COL28A1: variants seen among roughly 807,000 people sequenced by gnomAD.
COL28A1 encodes the protein collagen alpha-1(XXVIII) chain.
COL28A1 carries 161 observed loss-of-function variants against 150.2 expected under a neutral mutation model. The ratio of observed to expected loss-of-function variants is 1.07; its 90% confidence interval spans 0.94 to 1.22. The LOEUF (loss-of-function observed/expected upper bound fraction) is 1.22. Among genes scored for constraint, COL28A1 ranks in the 50% most tolerant of loss-of-function variants. The probability of loss-of-function intolerance (pLI) is 0.00; values close to 1 mark genes in which losing one functional copy is unlikely to be tolerated. For missense variants in COL28A1, 1,617 were observed against 1,388.3 expected (o/e 1.16, Z -2.62); for synonymous variants, 552 against 469.7 (o/e 1.18, Z -2.26).
chr7:7,500,180 T>C (rs1355328449), intron 11 of COL28A1, among the ~76,000 whole-genome samples: 1 of 152,212 alleles, frequency 6.6e-6, no homozygotes, highest in Admixed American at 6.5e-5. Flanking sequence ...TTGACCCTTC[T>C]ACTGAAATTA....
intron 31 of COL28A1, among the ~76,000 whole-genome samples, chr7:7,374,024 T>TAAA (rs1188442971): frequency 3.4e-5 from 4 of 116,376 alleles, no homozygotes; most frequent in African/African-American, 8.6e-5. Flanking sequence ...ACTTGACTCT[T>TAAA]AAAAAAAAAA....
chr7:7,398,340 C>A (rs140070678), intron 27 of COL28A1, among the ~76,000 whole-genome samples: 9 of 152,268 alleles, frequency 5.9e-5, no homozygotes, highest in African/African-American at 2.2e-4. Context: ...AACTTTTAGT[C>A]CTTGCTTCCA....
intron 30 of COL28A1, among the ~76,000 whole-genome samples, chr7:7,379,317 CTCT>C (rs1399476182): frequency 6.6e-6 from 1 of 152,136 alleles, no homozygotes; most frequent in African/African-American, 2.4e-5. Flanking sequence ...TCTTGCTAGT[CTCT>C]TCTTCCAGAA....
chr7:7,502,396 A>T (rs1340924590), intron 11 of COL28A1, among the ~76,000 whole-genome samples: 2 of 152,204 alleles, frequency 1.3e-5, no homozygotes, highest in Non-Finnish European at 2.9e-5. Flanking sequence ...GGCCAGGAGC[A>T]CATTTTTTCC....
intron 9 of COL28A1, 65 bp from the exon 10 acceptor site, chr7:7,507,226 T>G: frequency 2.6e-6 from 2 of 776,080 alleles, no homozygotes; most frequent in Non-Finnish European, 4.5e-6. Context: ...TGATTTTAGG[T>G]AGGAGGGAAG....
At chr7:7,457,946 G>T (rs1213225866) in intron 15 of COL28A1, among the ~76,000 whole-genome samples, 4 of 152,302 alleles carry the variant, frequency 2.6e-5, no homozygotes, top group African/African-American at 4.8e-5. Flanking sequence ...GGGCTTGAGG[G>T]TCATAATGAT....
intron 18 of COL28A1, among the ~76,000 whole-genome samples, chr7:7,447,173 C>T (rs983256257): frequency 3.3e-5 from 5 of 152,044 alleles, no homozygotes; most frequent in Non-Finnish European, 7.4e-5. Flanking sequence ...AAAAGCAAGA[C>T]CCAAATGGGT....
At position 7,526,546 on chromosome 7, in the gene COL28A1, G is replaced by C. The variant is rs1048267512; in HGVS notation, c.682-2297C>G. On this transcript the variant is annotated intron_variant, in intron 3 of 34. Coordinates refer to ENST00000399429, the MANE Select transcript of COL28A1 (RefSeq NM_001037763.3). Reference sequence around the variant, plus strand: ...GGCAGTAAAACAACTAATAATTCAAGTCAAATTGTAATATTTAAAAACCAC... The same window carrying C: ...GGCAGTAAAACAACTAATAATTCAACTCAAATTGTAATATTTAAAAACCAC... Among the ~76,000 whole-genome samples, 29 of 152,190 alleles carry C rather than the reference G, an allele frequency of 1.9e-4. 1 individual carries two copies. The highest frequency in any genetic ancestry group is 6.0e-4 in the African/African-American group (25 of 41,542).
intron 27 of COL28A1, among the ~76,000 whole-genome samples, chr7:7,393,661 G>A (rs1217277632): frequency 3.3e-5 from 5 of 152,204 alleles, no homozygotes; most frequent in African/African-American, 7.2e-5. Flanking sequence ...CAGAGAGGAC[G>A]AATCTAGAGA....
chr7:7,372,907 G>C, intron 32 of COL28A1, 91 bp downstream of exon 32: 2 of 1,080,522 alleles, frequency 1.9e-6, no homozygotes, highest in Non-Finnish European at 1.3e-6. Context: ...TTAGCCTCCA[G>C]ATTTTTCTAT....
chr7:7,521,982 G>A, intron 4 of COL28A1, 21 bp from the exon 5 acceptor site: 1 of 914,966 alleles, frequency 1.1e-6, no homozygotes, highest in Non-Finnish European at 1.9e-6. Context: ...AATGAAATAT[G>A]ATATTAACAC....
intron 13 of COL28A1, among the ~76,000 whole-genome samples, chr7:7,488,558 T>C (rs1779748182): frequency 6.6e-6 from 1 of 152,240 alleles, no homozygotes; most frequent in Non-Finnish European, 1.5e-5. Flanking sequence ...AGAATAATCA[T>C]ATTTTATTCA....
At chr7:7,407,983 T>C (rs1783580748) in intron 27 of COL28A1, among the ~76,000 whole-genome samples, 1 of 152,106 alleles carries the variant, frequency 6.6e-6, no homozygotes, top group Non-Finnish European at 1.5e-5. Flanking sequence ...AAACACAGGG[T>C]CCTAACGAAG....
At chr7:7,496,094 G>A (rs1429253246) in intron 11 of COL28A1, among the ~76,000 whole-genome samples, 1 of 152,124 alleles carries the variant, frequency 6.6e-6, no homozygotes, top group Non-Finnish European at 1.5e-5. Flanking sequence ...CTTATTTTAA[G>A]CAGCATGGCT....
chr7:7,468,435 A>G (rs1004828862), intron 15 of COL28A1, among the ~76,000 whole-genome samples: 3 of 95,460 alleles, frequency 3.1e-5, no homozygotes, highest in African/African-American at 1.5e-4. Flanking sequence ...GAATAGACCA[A>G]TAACAGGCTC....
intron 4 of COL28A1, 99 bp from the exon 5 acceptor site, chr7:7,522,060 A>C: frequency 2.6e-6 from 2 of 756,216 alleles, no homozygotes; most frequent in Non-Finnish European, 4.8e-6. Context: ...GTGTATTTCA[A>C]ATAAATTTCA....
Position 7,358,584 on chromosome 7 carries a change from G to A in COL28A1, c.*49C>T, listed in dbSNP as rs766900797. On this transcript the variant is annotated 3_prime_UTR_variant, in exon 35 of 35. Transcript: ENST00000399429. ...TGTATTTGTATTGGGTGAATATGTG[G>A]AAATTAGGGAGTTCTATGCTTTTGA... 1 of 1,553,852 alleles carries A rather than the reference G, an allele frequency of 6.4e-7. No homozygotes were observed. Among genetic ancestry groups the A allele is most frequent in the Non-Finnish European group, 8.8e-7 (1 of 1,131,032 alleles).
chr7:7,519,623 C>T (rs1415754425), intron 6 of COL28A1, among the ~76,000 whole-genome samples: 1 of 151,968 alleles, frequency 6.6e-6, no homozygotes, highest in Non-Finnish European at 1.5e-5. Flanking sequence ...TCGAGAAGTC[C>T]TTGAAGATGC....
chr7:7,465,603 A>G (rs983146218), intron 15 of COL28A1, among the ~76,000 whole-genome samples: 3 of 134,390 alleles, frequency 2.2e-5, no homozygotes, highest in Non-Finnish European at 4.8e-5. Flanking sequence ...GGAGCCCACT[A>G]CAGCTCAAGG....
Sources: allele counts gnomAD v4.1 joint callset (sites outside exome capture counted in the v4.1 genomes callset), GRCh38; gene constraint gnomAD v4.1.1; transcripts MANE v1.5; gene names NCBI Gene and HGNC (gene_info 2026-07-23, HGNC 2026-07-21).